Variants in RALY observed in about 807,000 individuals in gnomAD.
RALY encodes the protein RALY heterogeneous nuclear ribonucleoprotein.
Under a neutral mutation model 30.7 loss-of-function variants are expected in RALY, and 15 were observed. The observed-to-expected ratio is 0.49, with a 90% CI of 0.33 to 0.75. The LOEUF (loss-of-function observed/expected upper bound fraction) is 0.75. Among genes scored for constraint, RALY ranks in the 30% least tolerant of loss-of-function variants. The pLI, the probability that RALY is intolerant of heterozygous loss-of-function variation, is 0.02. For missense variants in RALY, 339 were observed against 414.3 expected (o/e 0.82, Z 1.58); for synonymous variants, 177 against 170.8 (o/e 1.04, Z -0.28).
chr20:34,015,673 A>G (rs963182691), intron 1 of RALY, among the ~76,000 whole-genome samples: 2 of 152,014 alleles, frequency 1.3e-5, no homozygotes, highest in African/African-American at 4.8e-5. Flanking sequence ...TTAATGAGAA[A>G]TTTCTGCAGA....
chr20:34,024,665 G>T (rs1262772854), intron 1 of RALY, among the ~76,000 whole-genome samples: 1 of 152,150 alleles, frequency 6.6e-6, no homozygotes, highest in Non-Finnish European at 1.5e-5. Flanking sequence ...CCTACTTTTT[G>T]ATACACTGGG....
At chr20:33,999,648 C>T (rs1412114967) in intron 1 of RALY, among the ~76,000 whole-genome samples, 1 of 152,152 alleles carries the variant, frequency 6.6e-6, no homozygotes, top group Admixed American at 6.5e-5. Flanking sequence ...CTGCTAGGCA[C>T]TGGGAAAACA....
chr20:34,071,930 G>C, intron 2 of RALY, 136 bp from the exon 3 acceptor site: 3 of 987,524 alleles, frequency 3.0e-6, no homozygotes, highest in Non-Finnish European at 4.4e-6. Context: ...AAGAAAACAA[G>C]ATGCAGGAAC....
intron 2 of RALY, among the ~76,000 whole-genome samples, chr20:34,066,948 A>T (rs2033590436): frequency 6.6e-6 from 1 of 152,186 alleles, no homozygotes; most frequent in South Asian, 2.1e-4. Flanking sequence ...TGTGTGGCTG[A>T]CTCAAGGTAA....
rs758133767 is a variant in RALY at position 34,076,857 on chromosome 20, A to G, written c.658+42A>G. The G allele has an allele frequency of 9.3e-6, 15 of 1,604,832 alleles. No individual in the cohort carries two copies. In the South Asian group the frequency reaches 1.4e-4, roughly 15 times the overall value. Reference sequence around the variant, plus strand: ...TCTCACCCACCTCCATGACCAGGGCACAGGGCAGAGCATGGGGAAATAGTA... The same window carrying G: ...TCTCACCCACCTCCATGACCAGGGCGCAGGGCAGAGCATGGGGAAATAGTA... On this transcript the variant is annotated intron_variant, in intron 7 of 9. Coordinates refer to ENST00000246194, the MANE Select transcript of RALY (RefSeq NM_016732.3).
intron 2 of RALY, among the ~76,000 whole-genome samples, chr20:34,034,957 C>T (rs1364953846): frequency 6.6e-6 from 1 of 151,886 alleles, no homozygotes; most frequent in Non-Finnish European, 1.5e-5. Flanking sequence ...TCGAGACCAT[C>T]CTGGCTAACA....
chr20:34,036,388 G>C (rs1399676872), intron 2 of RALY, among the ~76,000 whole-genome samples: 1 of 152,152 alleles, frequency 6.6e-6, no homozygotes, highest in African/African-American at 2.4e-5. Context: ...TACATTAATT[G>C]ATTTTCAGAT....
intron 2 of RALY, among the ~76,000 whole-genome samples, chr20:34,032,360 C>T (rs1347068072): frequency 1.3e-5 from 2 of 152,122 alleles, no homozygotes; most frequent in African/African-American, 2.4e-5. Context: ...TGCAAAATGT[C>T]GTATGAATAA....
intron 2 of RALY, among the ~76,000 whole-genome samples, chr20:34,057,146 TG>T (rs1381697946): frequency 6.6e-6 from 1 of 152,178 alleles, no homozygotes; most frequent in Non-Finnish European, 1.5e-5. Context: ...ATATAATAAA[TG>T]TGTTATAATG....
At position 34,077,077 on chromosome 20, in the gene RALY, T is replaced by C. The variant is rs759828027; in HGVS notation, c.708T>C (p.Gly236=). 25 of 1,604,722 alleles carry C rather than the reference T, an allele frequency of 1.6e-5. No homozygotes were observed. The highest frequency in any genetic ancestry group is 2.2e-5 in the East Asian group (1 of 44,650). ...GTGGCGCCGGCGGCGGCGGCGGTGG[T>C]GGTGGCAGCGGTGGCGGTGGCAGTG... ...DGGGAGGGGG[G]GGSGGGGSGG... The change falls in exon 8 of 10, where the codon GGT becomes GGC. Residue 236 remains glycine (G), a synonymous_variant. Coordinates refer to ENST00000246194, the MANE Select transcript of RALY (RefSeq NM_016732.3).
At chr20:34,019,784 G>A (rs1036098395) in intron 1 of RALY, among the ~76,000 whole-genome samples, 5 of 152,194 alleles carry the variant, frequency 3.3e-5, no homozygotes, top group Non-Finnish European at 5.9e-5. Flanking sequence ...AAGCTTGGCC[G>A]GGCGCGGTGG....
chr20:34,032,146 A>G (rs1601442249), intron 2 of RALY, among the ~76,000 whole-genome samples: 2 of 152,154 alleles, frequency 1.3e-5, no homozygotes, highest in East Asian at 3.9e-4. Context: ...ATTTTTTAGT[A>G]GAGACGGGGT....
At chr20:34,017,694 G>T (rs1034309782) in intron 1 of RALY, 1 of 152,248 alleles carries the variant, frequency 6.6e-6, no homozygotes, top group Non-Finnish European at 1.5e-5. Flanking sequence ...CTGGCCTTGT[G>T]CAAGGAGAGG....
intron 1 of RALY, among the ~76,000 whole-genome samples, chr20:34,025,656 C>G (rs1185678257): frequency 6.7e-6 from 1 of 149,962 alleles, no homozygotes; most frequent in African/African-American, 2.5e-5. Flanking sequence ...TTATTCTAAA[C>G]AACAAGAGTT....
At chr20:33,998,609 C>T (rs2030754114) in intron 1 of RALY, among the ~76,000 whole-genome samples, 1 of 152,074 alleles carries the variant, frequency 6.6e-6, no homozygotes, top group Non-Finnish European at 1.5e-5. Flanking sequence ...GAGGCCAAGT[C>T]AGGAAAGGGC....
intron 1 of RALY, among the ~76,000 whole-genome samples, chr20:34,002,248 C>T (rs2030952951): frequency 6.6e-6 from 1 of 152,108 alleles, no homozygotes; most frequent in South Asian, 2.1e-4. Context: ...CTAATTGATT[C>T]TTACACCAAT....
chr20:34,009,659 A>G lies in RALY; in HGVS notation c.-93+15528A>G, dbSNP rs2031315260. On this transcript the variant is annotated intron_variant, in intron 1 of 9. Coordinates refer to ENST00000246194, the MANE Select transcript of RALY (RefSeq NM_016732.3). ...GGCAACTCTTTGGAGCTTCGGCCAA[A>G]TTTGGCAGAAGCTTTGAGTTTACAA... is the stretch of plus-strand genomic sequence containing the variant. 1.3e-5 allele frequency among the ~76,000 whole-genome samples: 2 copies of G among 152,160 alleles called. 1 individual carries two copies. The highest frequency in any genetic ancestry group is 4.1e-4 in the South Asian group (2 of 4,824).
At chr20:34,047,043 T>C (rs1312038996) in intron 2 of RALY, among the ~76,000 whole-genome samples, 1 of 152,186 alleles carries the variant, frequency 6.6e-6, no homozygotes, top group Non-Finnish European at 1.5e-5. Flanking sequence ...GGTTTCGAAC[T>C]ACTGACCTCA....
intron 8 of RALY, chr20:34,077,516 A>C: frequency 1.6e-6 from 1 of 606,720 alleles, no homozygotes; most frequent in Non-Finnish European, 2.8e-6. Flanking sequence ...GAGTTGGAGA[A>C]TGGGAGATTC....
Sources: allele counts gnomAD v4.1 joint callset (sites outside exome capture counted in the v4.1 genomes callset), GRCh38; gene constraint gnomAD v4.1.1; transcripts MANE v1.5; gene names NCBI Gene and HGNC (gene_info 2026-07-23, HGNC 2026-07-21).